KSR2: variants seen among roughly 807,000 people sequenced by gnomAD.
The protein encoded by KSR2 is kinase suppressor of ras 2.
KSR2 carries 25 observed loss-of-function variants against 107.8 expected under a neutral mutation model. The observed-to-expected ratio is 0.23, with a 90% confidence interval of 0.17 to 0.32. The LOEUF (loss-of-function observed/expected upper bound fraction) is 0.32. KSR2 is among the 10% of genes least tolerant of loss of function. KSR2 has a pLI of 1.00. For synonymous variants in KSR2, 480 were observed against 507.0 expected, an observed-to-expected ratio of 0.95 and a Z score of 0.71; for missense variants, 887 against 1,268.9, an observed-to-expected ratio of 0.70 and a Z score of 4.57.
chr12:117,751,323 G>A (rs544082295), intron 4 of KSR2, among the ~76,000 whole-genome samples: 11 of 152,138 alleles, frequency 7.2e-5, no homozygotes, highest in South Asian at 6.2e-4. Context: ...ACCCAGTCTC[G>A]GGTATGTCTT....
chr12:117,586,814 A>G (rs1314479723), intron 5 of KSR2, among the ~76,000 whole-genome samples: 2 of 152,146 alleles, frequency 1.3e-5, no homozygotes, highest in African/African-American at 4.8e-5. Context: ...CATTTCAACA[A>G]GGAAATTAAA....
At chr12:117,558,040 C>T (rs1315630941) in intron 8 of KSR2, among the ~76,000 whole-genome samples, 1 of 152,134 alleles carries the variant, frequency 6.6e-6, no homozygotes, top group Non-Finnish European at 1.5e-5. Context: ...ACTCCTAGGG[C>T]CCCAGGAGAT....
chr12:117,658,208 C>T (rs1035790193), intron 5 of KSR2, among the ~76,000 whole-genome samples: 7 of 152,224 alleles, frequency 4.6e-5, no homozygotes, highest in African/African-American at 1.7e-4. Context: ...GGGCTGTAGA[C>T]TATGAACAGT....
intron 3 of KSR2, among the ~76,000 whole-genome samples, chr12:117,789,899 C>T (rs11834802): frequency 0.12 from 18,161 of 152,208 alleles, 1,765 homozygotes; most frequent in African/African-American, 0.27. Context: ...TGTCCACACA[C>T]ACACACACAG....
intron 13 of KSR2, among the ~76,000 whole-genome samples, chr12:117,526,733 C>T (rs1875194786): frequency 6.6e-6 from 1 of 152,302 alleles, no homozygotes; most frequent in South Asian, 2.1e-4. Flanking sequence ...TCCCTGAGGC[C>T]CCCACCTCTT....
intron 4 of KSR2, among the ~76,000 whole-genome samples, chr12:117,698,645 T>C (rs1324111894): frequency 1.3e-5 from 2 of 152,050 alleles, no homozygotes; most frequent in Non-Finnish European, 1.5e-5. Flanking sequence ...CTCTTAATCA[T>C]TACATCTGTC....
chr12:117,505,228 G>C (rs1210226134), intron 14 of KSR2, among the ~76,000 whole-genome samples: 1 of 152,158 alleles, frequency 6.6e-6, no homozygotes, highest in Non-Finnish European at 1.5e-5. Context: ...CCTTGTGTCA[G>C]TCCTTATGCA....
At chr12:117,817,154 T>C (rs1891400583) in intron 3 of KSR2, among the ~76,000 whole-genome samples, 1 of 152,202 alleles carries the variant, frequency 6.6e-6, no homozygotes, top group African/African-American at 2.4e-5. Context: ...CTCTTATTCA[T>C]GAAAAAGTTT....
chr12:117,514,545 T>TCTC (rs370868430), intron 14 of KSR2, among the ~76,000 whole-genome samples: 17 of 101,930 alleles, frequency 1.7e-4, no homozygotes, highest in South Asian at 9.0e-4. Flanking sequence ...TCTCTCTCTC[T>TCTC]TTTTTTTTTT....
chr12:117,720,001 C>T (rs1351035185), intron 4 of KSR2, among the ~76,000 whole-genome samples: 4 of 152,238 alleles, frequency 2.6e-5, no homozygotes, highest in African/African-American at 7.2e-5. Context: ...CTTCATCACT[C>T]CTTCCATGCA....
intron 10 of KSR2, among the ~76,000 whole-genome samples, chr12:117,532,648 T>C (rs1347814591): frequency 1.3e-5 from 2 of 152,230 alleles, no homozygotes; most frequent in Non-Finnish European, 2.9e-5. Context: ...TTTTCTGGAC[T>C]TCACTGCCAG....
intron 1 of KSR2, among the ~76,000 whole-genome samples, chr12:117,903,178 G>C (rs1216822158): frequency 6.6e-6 from 1 of 152,090 alleles, no homozygotes; most frequent in African/African-American, 2.4e-5. Context: ...ATAGAATTAT[G>C]GTAAGAAAAA....
intron 4 of KSR2, among the ~76,000 whole-genome samples, chr12:117,722,368 C>T (rs761077422): frequency 1.3e-5 from 2 of 152,164 alleles, no homozygotes; most frequent in African/African-American, 2.4e-5. Flanking sequence ...CTGAAACCTA[C>T]TGGGCGGCAT....
intron 3 of KSR2, among the ~76,000 whole-genome samples, chr12:117,814,657 G>C (rs1237372291): frequency 6.6e-6 from 1 of 152,180 alleles, no homozygotes; most frequent in South Asian, 2.1e-4. Flanking sequence ...CCTCCACAGA[G>C]GCTCCATTCA....
chr12:117,516,472 A>C (rs1347632278), intron 14 of KSR2, among the ~76,000 whole-genome samples: 2 of 152,172 alleles, frequency 1.3e-5, no homozygotes, highest in Non-Finnish European at 2.9e-5. Context: ...ATGTTTTGGC[A>C]CCTGAGAGAA....
intron 5 of KSR2, among the ~76,000 whole-genome samples, chr12:117,582,861 A>T (rs1593018311): frequency 6.6e-6 from 1 of 152,214 alleles, no homozygotes. Context: ...GTTAGAGTGC[A>T]GTGGATTCCC....
intron 17 of KSR2, 22 bp from the exon 18 acceptor site, chr12:117,471,342 G>A (rs1325479545): frequency 2.5e-6 from 4 of 1,609,960 alleles, no homozygotes; most frequent in Non-Finnish European, 3.4e-6. Context: ...CGTTGTTAAA[G>A]GGGTGTTGGT....
chr12:117,609,769 T>C (rs1011715933), intron 5 of KSR2, among the ~76,000 whole-genome samples: 5 of 152,202 alleles, frequency 3.3e-5, no homozygotes, highest in Non-Finnish European at 7.3e-5. Context: ...AGGATGGTGC[T>C]GGGCATTGTA....
At chr12:117,956,950 C>T (rs1896535860) in intron 1 of KSR2, among the ~76,000 whole-genome samples, 1 of 152,214 alleles carries the variant, frequency 6.6e-6, no homozygotes, top group African/African-American at 2.4e-5. Context: ...TCCCCTGTCT[C>T]TATGTTTCTA....
Sources: allele counts gnomAD v4.1 joint callset (sites outside exome capture counted in the v4.1 genomes callset), GRCh38; gene constraint gnomAD v4.1.1; transcripts MANE v1.5; gene names NCBI Gene and HGNC (gene_info 2026-07-23, HGNC 2026-07-21).